Variants in RNF111 observed in about 807,000 individuals in gnomAD.
RNF111 encodes E3 ubiquitin-protein ligase Arkadia.
In RNF111, 17 loss-of-function variants were observed where a neutral mutation model predicts 95.1. The observed-to-expected ratio is 0.18, with a 90% CI of 0.12 to 0.27. The LOEUF (loss-of-function observed/expected upper bound fraction) is 0.27. Among genes scored for constraint, RNF111 ranks in the 10% least tolerant of loss-of-function variants. The pLI is 1.00. For synonymous variants in RNF111, 440 were observed against 414.8 expected (o/e 1.06, Z -0.74); for missense variants, 1,189 against 1,210.4 (o/e 0.98, Z 0.26).
At chr15:59,003,913 G>A (rs1002382970) in intron 1 of RNF111, 1 of 160,742 alleles carries the variant, frequency 6.2e-6, no homozygotes, top group African/African-American at 2.4e-5. Flanking sequence ...TATTGTCAGT[G>A]ATACTGTATC....
Position 59,038,041 on chromosome 15 carries a change from T to C in RNF111, c.880+6339T>C, listed in dbSNP as rs376897378. 3.9e-5 allele frequency among the ~76,000 whole-genome samples: 6 copies of C among 152,198 alleles called. No individual in the cohort carries two copies. In the East Asian group the frequency reaches 1.2e-3, roughly 29 times the overall value. On this transcript the variant is annotated intron_variant, in intron 2 of 13. Transcript: ENST00000348370. ...TATGTCTTATTAACTTATTTACATA[T>C]AAGATATTGAAAAAATGTTAATTTA...
chr15:58,987,761 G>A lies in RNF111; in HGVS notation c.-327G>A. On this transcript the variant is annotated 5_prime_UTR_variant, in exon 1 of 14. Transcript: ENST00000348370. ...GGGGAGCAGCGGCAGTGGCGGCGAC[G>A]GCGAGGAGGTGTTCGGTTTGCGCAG... 1 of 175,816 alleles carries A rather than the reference G, an allele frequency of 5.7e-6. No individual in the cohort carries two copies. Among genetic ancestry groups the A allele is most frequent in the Non-Finnish European group, 1.2e-5 (1 of 85,260 alleles). The allele number at this position is 175,816 out of a possible 1,614,324, so 10.9% of individuals were successfully genotyped here.
intron 1 of RNF111, among the ~76,000 whole-genome samples, chr15:59,012,003 C>CTTTTTT (rs71425836): frequency 0.051 from 2,067 of 40,420 alleles, 487 homozygotes; most frequent in East Asian, 0.09. Context: ...GTTTGTTTGC[C>CTTTTTT]TTTTTTTTTT....
intron 2 of RNF111, chr15:59,049,378 T>TC (rs2041865884): frequency 1.3e-5 from 2 of 149,756 alleles, no homozygotes; most frequent in African/African-American, 2.5e-5. Context: ...TTTTTTTTTT[T>TC]TTTTTTTTGG....
Position 59,052,312 on chromosome 15 carries a change from T to G in RNF111, c.888T>G (p.Ile296Met), listed in dbSNP as rs142916216. The G allele has an allele frequency of 8.1e-4, 1,284 of 1,576,418 alleles. 6 individuals are homozygous for G. The Middle Eastern group carries it at 9.1e-3, about 11-fold the overall frequency. The change falls in exon 3 of 14, where the codon ATT becomes ATG. Residue 296 changes from isoleucine to methionine, a missense_variant. By Grantham distance (10) the Ile-to-Met change is conservative. Around this residue, in one of 2 missense-constraint regions of RNF111, gnomAD observed 1,024 missense variants for 925.9 expected, o/e 1.11. Coordinates refer to ENST00000348370, the MANE Select transcript of RNF111 (RefSeq NM_017610.8). The part of the protein sequence containing the change: ...QNNPAVPSGS[I>M]DEDVVVIEAS... ...TTTTCTTTTTGTTTCCAGGAAGTAT[T>G]GATGAAGATGTTGTGGTGATAGAAG...
At chr15:59,078,369 T>G (rs1422703774) in intron 7 of RNF111, among the ~76,000 whole-genome samples, 1 of 152,032 alleles carries the variant, frequency 6.6e-6, no homozygotes, top group African/African-American at 2.4e-5. Context: ...ATCTTATTAA[T>G]AAGATGTATT....
At chr15:59,052,613 A>G (rs1400991074) in intron 3 of RNF111, among the ~76,000 whole-genome samples, 182 bp downstream of exon 3, 10 of 110,382 alleles carry the variant, frequency 9.1e-5, no homozygotes, top group South Asian at 5.3e-4. Context: ...GAATATTGCT[A>G]TGTTACCCAG....
chr15:59,015,359 T>G (rs1367495895), intron 1 of RNF111, among the ~76,000 whole-genome samples: 1 of 152,188 alleles, frequency 6.6e-6, no homozygotes, highest in Non-Finnish European at 1.5e-5. Context: ...AATTCACATA[T>G]AGTTTTACAA....
chr15:59,048,973 C>T (rs2041841061), intron 2 of RNF111, among the ~76,000 whole-genome samples: 1 of 152,032 alleles, frequency 6.6e-6, no homozygotes, highest in South Asian at 2.1e-4. Flanking sequence ...TGGTGGTGTG[C>T]ACCTGTAGTC....
chr15:59,071,770 C>CA (rs1425446892), intron 6 of RNF111, among the ~76,000 whole-genome samples: 1 of 151,994 alleles, frequency 6.6e-6, no homozygotes, highest in African/African-American at 2.4e-5. Context: ...GTTTATTTCC[C>CA]AACTTAGTTG....
chr15:59,072,764 C>G (rs1383849699), intron 6 of RNF111, among the ~76,000 whole-genome samples: 3 of 151,732 alleles, frequency 2.0e-5, no homozygotes, highest in Non-Finnish European at 4.4e-5. Context: ...TCATTTCCAT[C>G]TTTTTCCTAG....
chr15:59,092,089 A>G (rs1165058489), intron 12 of RNF111, among the ~76,000 whole-genome samples: 1 of 152,194 alleles, frequency 6.6e-6, no homozygotes, highest in Non-Finnish European at 1.5e-5. Context: ...TGTATTTTTC[A>G]TCTATTTTCA....
chr15:59,031,675 C>A lies in RNF111; in HGVS notation c.853C>A (p.His285Asn), dbSNP rs1386532706. ...TTTGTTTGTTTCTGCCAGTGAAAAC[C>A]ACCAAAACAATCCAGCTGTTCCCTC... ...EDLFVSASEN[H>N]QNNPAVPSGS... The change falls in exon 2 of 14, where the codon CAC becomes AAC. Residue 285 changes from histidine to asparagine, a missense_variant. His to Asn is a moderately conservative substitution (Grantham distance 68). This residue lies in a region of RNF111 where 1,024 missense variants were observed against 925.9 expected (regional missense o/e 1.11). Transcript: ENST00000348370. 3 of 1,613,982 alleles carry A rather than the reference C, an allele frequency of 1.9e-6. No homozygotes were observed. Among genetic ancestry groups the A allele is most frequent in the Non-Finnish European group, 2.5e-6 (3 of 1,179,962 alleles).
intron 6 of RNF111, among the ~76,000 whole-genome samples, chr15:59,071,093 T>G (rs757475156): frequency 2.3e-4 from 35 of 151,436 alleles, no homozygotes; most frequent in African/African-American, 4.4e-4. Flanking sequence ...GTCAGGAGAT[T>G]GAGACCATCC....
In RNF111 at chr15:59,097,220, A is replaced by G. The variant is rs541105599; in HGVS notation, c.*2320A>G. On this transcript the variant is annotated 3_prime_UTR_variant, in exon 14 of 14. Coordinates refer to ENST00000348370, the MANE Select transcript of RNF111 (RefSeq NM_017610.8). ...TGCTGCATCTTATATGTCAAAATGAACATTTCAGTGGTAGCTGTCCAAATA... is the reference window on the plus strand; with the variant it reads ...TGCTGCATCTTATATGTCAAAATGAGCATTTCAGTGGTAGCTGTCCAAATA... The G allele has an allele frequency of 3.3e-5, 5 of 152,284 alleles. No individual in the cohort carries two copies. Among genetic ancestry groups the G allele is most frequent in the Non-Finnish European group, 7.3e-5 (5 of 68,050 alleles). 9.4% of individuals were successfully genotyped at this position (152,284 alleles called of 1,614,324 possible). A position where few individuals can be genotyped will look rare whatever the true frequency, so the allele number is the denominator to read the frequency against.
intron 1 of RNF111, among the ~76,000 whole-genome samples, chr15:59,005,001 G>C (rs1379095851): frequency 3.9e-5 from 6 of 152,184 alleles, no homozygotes; most frequent in Admixed American, 3.3e-4. Context: ...TCAGTGAGCA[G>C]AAGGGCAAGC....
chr15:59,058,160 C>G (rs1387266107), intron 4 of RNF111, among the ~76,000 whole-genome samples, 196 bp from the exon 5 acceptor site: 1 of 152,034 alleles, frequency 6.6e-6, no homozygotes, highest in Non-Finnish European at 1.5e-5. Flanking sequence ...TTTTAAAATG[C>G]AGTAATATTT....
chr15:59,082,550 C>T (rs577482375), intron 8 of RNF111, among the ~76,000 whole-genome samples: 13 of 152,234 alleles, frequency 8.5e-5, no homozygotes, highest in African/African-American at 3.1e-4. Flanking sequence ...AACTATTGGT[C>T]TAATTCTGCC....
intron 2 of RNF111, among the ~76,000 whole-genome samples, chr15:59,045,264 C>T (rs2041653224): frequency 6.6e-6 from 1 of 150,394 alleles, no homozygotes; most frequent in Non-Finnish European, 1.5e-5. Context: ...GATCTTGGCT[C>T]ACTGCAACCT....
Sources: allele counts gnomAD v4.1 joint callset (sites outside exome capture counted in the v4.1 genomes callset), GRCh38; gene constraint gnomAD v4.1.1; regional missense constraint gnomAD v4.1.1; transcripts MANE v1.5; gene names NCBI Gene and HGNC (gene_info 2026-07-23, HGNC 2026-07-21).